The following ROBO2 variants were observed in gnomAD, a reference collection of about 807,000 sequenced individuals.
ROBO2 encodes the protein roundabout homolog 2.
Under a neutral mutation model 160.8 loss-of-function variants are expected in ROBO2, and 53 were observed. The observed-to-expected ratio is 0.33, with a 90% CI of 0.26 to 0.41. The LOEUF is 0.41. Among genes scored for constraint, ROBO2 ranks in the 10% least tolerant of loss-of-function variants. The pLI is 1.00. For missense variants in ROBO2, 1,577 were observed against 1,722.4 expected, an observed-to-expected ratio of 0.92 and a Z score of 1.49; for synonymous variants, 664 against 611.7, an observed-to-expected ratio of 1.09 and a Z score of -1.26.
intron 2 of ROBO2, among the ~76,000 whole-genome samples, chr3:76,150,338 G>A (rs1256442161): frequency 2.0e-5 from 3 of 149,572 alleles, no homozygotes; most frequent in Admixed American, 1.3e-4. Flanking sequence ...ACACATATCT[G>A]TCTAAAGCAC....
chr3:77,136,412 T>A (rs548315876), intron 2 of ROBO2, among the ~76,000 whole-genome samples: 1 of 151,866 alleles, frequency 6.6e-6, no homozygotes, highest in South Asian at 2.1e-4. Flanking sequence ...CTAATAGTAT[T>A]AGGGAAAGTT....
intron 2 of ROBO2, among the ~76,000 whole-genome samples, chr3:75,993,187 A>G (rs1238238038): frequency 6.6e-6 from 1 of 152,118 alleles, no homozygotes; most frequent in Non-Finnish European, 1.5e-5. Flanking sequence ...CAGGGGCCGA[A>G]TTATATAGTT....
At chr3:75,938,188 A>C (rs1947884166) in intron 2 of ROBO2, among the ~76,000 whole-genome samples, 1 of 151,882 alleles carries the variant, frequency 6.6e-6, no homozygotes, top group African/African-American at 2.4e-5. Flanking sequence ...GCATCCTGAA[A>C]TGTCTGTTGG....
intron 2 of ROBO2, among the ~76,000 whole-genome samples, chr3:76,943,310 C>T (rs935262269): frequency 1.3e-5 from 2 of 152,078 alleles, no homozygotes; most frequent in African/African-American, 4.8e-5. Flanking sequence ...CCACTCGTTG[C>T]TATCTGTTAG....
intron 2 of ROBO2, among the ~76,000 whole-genome samples, chr3:76,316,130 C>T (rs563746626): frequency 6.6e-6 from 1 of 152,222 alleles, no homozygotes; most frequent in South Asian, 2.1e-4. Context: ...TTCAGCGGTG[C>T]ACGTATTGTC....
intron 2 of ROBO2, among the ~76,000 whole-genome samples, chr3:77,283,709 TC>T (rs765045138): frequency 2.4e-3 from 367 of 152,298 alleles, no homozygotes; most frequent in Middle Eastern, 0.01. Flanking sequence ...GATTATTCAA[TC>T]TTTTGAATAA....
intron 22 of ROBO2, among the ~76,000 whole-genome samples, chr3:77,619,543 A>T (rs543022708): frequency 8.5e-5 from 13 of 152,310 alleles, no homozygotes; most frequent in African/African-American, 3.1e-4. Flanking sequence ...AGGGTGTGAC[A>T]TTACACACCA....
intron 2 of ROBO2, among the ~76,000 whole-genome samples, chr3:76,452,783 T>A (rs1160895809): frequency 6.6e-6 from 1 of 151,402 alleles, no homozygotes; most frequent in Admixed American, 6.6e-5. Flanking sequence ...TAGTTTACAG[T>A]CCCACCAACA....
At chr3:76,158,014 G>A (rs935658378) in intron 2 of ROBO2, among the ~76,000 whole-genome samples, 1 of 152,102 alleles carries the variant, frequency 6.6e-6, no homozygotes, top group African/African-American at 2.4e-5. Context: ...TCTCTAAGAA[G>A]TTCTCTCAAC....
intron 2 of ROBO2, among the ~76,000 whole-genome samples, chr3:76,826,182 A>T (rs2066573391): frequency 6.6e-6 from 1 of 152,090 alleles, no homozygotes; most frequent in African/African-American, 2.4e-5. Context: ...TCATCTTTGA[A>T]AATTTTTGGC....
intron 2 of ROBO2, among the ~76,000 whole-genome samples, chr3:77,426,133 G>C (rs1450595161): frequency 6.6e-6 from 1 of 152,128 alleles, no homozygotes; most frequent in Non-Finnish European, 1.5e-5. Context: ...CAGCTGTCCA[G>C]ACAAGAAATA....
chr3:76,106,037 C>T (rs1029436261), intron 2 of ROBO2, among the ~76,000 whole-genome samples: 6 of 152,104 alleles, frequency 3.9e-5, no homozygotes, highest in African/African-American at 1.2e-4. Flanking sequence ...GTTCAATATT[C>T]TGTGCCACTT....
intron 1 of ROBO2, among the ~76,000 whole-genome samples, chr3:77,046,315 A>G (rs571358991): frequency 2.6e-5 from 4 of 152,354 alleles, no homozygotes; most frequent in African/African-American, 9.6e-5. Context: ...ATTTTATATT[A>G]TACTAATCTG....
intron 2 of ROBO2, among the ~76,000 whole-genome samples, chr3:77,171,139 C>T (rs932854921): frequency 2.0e-5 from 3 of 152,096 alleles, no homozygotes; most frequent in Non-Finnish European, 2.9e-5. Flanking sequence ...CTTTTCTCCT[C>T]GTCACTGACA....
chr3:77,489,317 A>T (rs2085778560), intron 4 of ROBO2, among the ~76,000 whole-genome samples: 1 of 152,178 alleles, frequency 6.6e-6, no homozygotes, highest in South Asian at 2.1e-4. Flanking sequence ...ACTTCCAAAA[A>T]TTGTATACCA....
At chr3:76,322,930 G>A (rs2072688708) in intron 2 of ROBO2, among the ~76,000 whole-genome samples, 1 of 152,114 alleles carries the variant, frequency 6.6e-6, no homozygotes, top group Admixed American at 6.6e-5. Context: ...CAGAGACACT[G>A]AATTTCTGCT....
chr3:76,566,877 G>A lies in ROBO2; in HGVS notation c.110-531137G>A, dbSNP rs144125341. Among the ~76,000 whole-genome samples the A allele has an allele frequency of 3.1e-3, 467 of 152,258 alleles. 3 individuals are homozygous for A. The highest frequency in any genetic ancestry group is 0.011 in the African/African-American group (459 of 41,550). ...GATGAAACAACAGCCCAATTCTGCA[G>A]GCATCTCTCAAAATATTTCACTGTG... On this transcript the variant is annotated intron_variant, in intron 2 of 26. Coordinates refer to the ROBO2 transcript ENST00000487694.
intron 2 of ROBO2, among the ~76,000 whole-genome samples, chr3:76,680,215 G>A (rs2092520516): frequency 6.6e-6 from 1 of 151,756 alleles, no homozygotes; most frequent in African/African-American, 2.4e-5. Context: ...CCAAAATGCC[G>A]ACGCTTACTT....
chr3:76,510,338 A>C (rs3913571), intron 2 of ROBO2, among the ~76,000 whole-genome samples: 1 of 152,138 alleles, frequency 6.6e-6, no homozygotes, highest in Admixed American at 6.5e-5. Flanking sequence ...TCTTATAGAA[A>C]AGCATGGCGT....
Sources: gnomAD v4.1 joint callset for allele counts (sites outside exome capture counted in the v4.1 genomes callset) on GRCh38, gnomAD v4.1.1 for gene constraint, MANE v1.5 for transcripts, NCBI Gene and HGNC (gene_info 2026-07-23, HGNC 2026-07-21) for gene names.